IRF9: variants seen among roughly 807,000 people sequenced by gnomAD.
IRF9 encodes interferon regulatory factor 9.
In IRF9, 13 loss-of-function variants were observed where a neutral mutation model predicts 44.1. The ratio of observed to expected loss-of-function variants is 0.29; its 90% CI spans 0.19 to 0.47. The LOEUF is 0.47. Among genes scored for constraint, IRF9 ranks in the 20% least tolerant of loss-of-function variants. IRF9 has a pLI of 1.00. For synonymous variants in IRF9, 189 were observed against 188.5 expected, an observed-to-expected ratio of 1.00 and a Z score of -0.02; for missense variants, 373 against 496.1, an observed-to-expected ratio of 0.75 and a Z score of 2.36.
In IRF9 at chr14:24,162,947, C is replaced by T; in HGVS notation, c.181-19C>T. 1 of 1,609,324 alleles carries T rather than the reference C, an allele frequency of 6.2e-7. No homozygotes were observed. Among genetic ancestry groups the T allele is most frequent in the Non-Finnish European group, 8.5e-7 (1 of 1,177,364 alleles). ...AGCCTGTAACACACTGCCTCTTCTT[C>T]CCTTGCTTTCTTTCCTAGGCCTGGG... On this transcript the variant is annotated intron_variant, in intron 2 of 8. Transcript: ENST00000396864.
Position 24,163,098 on chromosome 14 carries a change from G to A in IRF9, c.313G>A (p.Val105Ile), listed in dbSNP as rs2038480289. 1 of 1,614,192 alleles carries A rather than the reference G, an allele frequency of 6.2e-7. No homozygotes were observed. Among genetic ancestry groups the A allele is most frequent in the South Asian group, 1.1e-5 (1 of 91,084 alleles). ...KEVPERGRMDVAEPYKVYQLL... is the reference protein window; with the variant it reads ...KEVPERGRMDIAEPYKVYQLL... The stretch of plus-strand genomic sequence containing the variant: ...GGTTCCTGAGAGGGGCCGCATGGAT[G>A]TTGCTGAGCCCTACAAGGTGTATCA... The change falls in exon 3 of 9, where the codon GTT becomes ATT. Residue 105 changes from valine (V) to isoleucine (I), a missense_variant. By Grantham distance (29) the Val-to-Ile change is conservative. Coordinates refer to ENST00000396864, the MANE Select transcript of IRF9 (RefSeq NM_006084.5).
intron 4 of IRF9, 180 bp from the exon 5 acceptor site, chr14:24,163,698 C>T (rs1022564776): frequency 5.1e-5 from 44 of 855,080 alleles, no homozygotes; most frequent in Non-Finnish European, 7.0e-5. Context: ...ATTAGCTGTG[C>T]GTTGTGGCAT....
Position 24,164,142 on chromosome 14 carries a change from G to A in IRF9, c.649+8G>A. On this transcript the variant is annotated splice_region_variant and intron_variant, in intron 6 of 8. Coordinates refer to ENST00000396864, the MANE Select transcript of IRF9 (RefSeq NM_006084.5). This position sits in a 1 kb window ranked among gnomAD's most constrained non-coding sequence, Gnocchi z 5.2. ...TGCTTCCTCCAGAGCCAGGTACGTG[G>A]CATTTCTGACTTTCTCCTGTGCCCT... The A allele has an allele frequency of 6.2e-7, 1 of 1,613,512 alleles. No individual in the cohort carries two copies. The highest frequency in any genetic ancestry group is 1.1e-5 in the South Asian group (1 of 91,058).
chr14:24,162,005 A>C, intron 1 of IRF9, 139 bp from the exon 2 acceptor site: 1 of 763,902 alleles, frequency 1.3e-6, no homozygotes. Context: ...TAGAGTGTTG[A>C]AATGTGTTTG....
intron 4 of IRF9, 176 bp from the exon 5 acceptor site, chr14:24,163,702 G>T: frequency 4.7e-6 from 4 of 850,496 alleles, no homozygotes; most frequent in Non-Finnish European, 5.4e-6. Context: ...GCTGTGCGTT[G>T]TGGCATCTGC....
rs755956458 is a variant in IRF9 at position 24,165,952 on chromosome 14, T to C, written c.1097T>C (p.Ile366Thr). The C allele has an allele frequency of 5.6e-6, 9 of 1,613,860 alleles. No individual in the cohort carries two copies. The highest frequency in any genetic ancestry group is 1.1e-5 in the South Asian group (1 of 91,058). The part of the protein sequence containing the change: ...HGSSHTPQNL[I>T]TVKMEQAFAR... ...TCCAGCCATACTCCACAGAATCTTA[T>C]CACAGTGAAGGTGAGCTCGGAGCAG... Residue 366 changes from isoleucine (I) to threonine (T), a missense_variant, in exon 8 of 9, where the codon ATC (isoleucine) becomes ACC (threonine). By Grantham distance (89) the Ile-to-Thr change is moderately conservative (BLOSUM62 -1). Around this residue, in one of 2 missense-constraint regions of IRF9, gnomAD observed 146 missense variants for 240.8 expected, o/e 0.61. Coordinates refer to ENST00000396864, the MANE Select transcript of IRF9 (RefSeq NM_006084.5).
rs768121593 is a variant in IRF9, at chr14:24,163,949, G to A, written c.567G>A (p.Glu189=). 1.9e-6 allele frequency: 3 copies of A among 1,607,718 alleles called. No individual in the cohort carries two copies. Among genetic ancestry groups the A allele is most frequent in the Non-Finnish European group, 2.5e-6 (3 of 1,177,854 alleles). Residue 189 remains glutamate (E), a synonymous_variant, in exon 5 of 9, where the codon GAG becomes GAA. Transcript: ENST00000396864. ...IGSSSSSSSP[E]PQEVTDTTEA... ...GCAGCAGCAGCAGCAGCAGCCCTGA[G>A]CCACAGGAAGGTACCACCTGCCCTG... is the stretch of plus-strand genomic sequence containing the variant.
chr14:24,164,866 A>G lies in IRF9; in HGVS notation c.902A>G (p.Asn301Ser), dbSNP rs200364726. 5.6e-6 allele frequency: 9 copies of G among 1,611,600 alleles called. No individual in the cohort carries two copies. The East Asian group carries it at 2.0e-4, about 36-fold the overall frequency. The change falls in exon 7 of 9, where the codon AAT (asparagine) becomes AGT (serine). Residue 301 changes from asparagine to serine, a missense_variant. Transcript: ENST00000396864. This position sits in a 1 kb window ranked among gnomAD's most constrained non-coding sequence, Gnocchi z 5.2. ...QRLCPIPISW[N>S]APQAPPGPGP... ...CTTTGCCCCATCCCCATCTCCTGGA[A>G]TGCACCCCAGGCTCCACCTGGGCCA...
In IRF9 at chr14:24,164,174, C is replaced by T; in HGVS notation, c.649+40C>T. Reference sequence around the variant, plus strand: ...TGACTTTCTCCTGTGCCCTGTGCCCCTGAGGTCTTCCACCTTTGACTATGC... The same window carrying T: ...TGACTTTCTCCTGTGCCCTGTGCCCTTGAGGTCTTCCACCTTTGACTATGC... On this transcript the variant is annotated intron_variant, in intron 6 of 8. Coordinates refer to ENST00000396864, the MANE Select transcript of IRF9 (RefSeq NM_006084.5). The surrounding 1 kb of genome is among the most constrained non-coding windows in gnomAD (Gnocchi z 5.2). The T allele has an allele frequency of 6.4e-7, 1 of 1,551,266 alleles. No individual in the cohort carries two copies. The highest frequency in any genetic ancestry group is 8.9e-7 in the Non-Finnish European group (1 of 1,122,934).
At chr14:24,161,618 C>G (rs1278116527) in intron 1 of IRF9, among the ~76,000 whole-genome samples, 3 of 152,192 alleles carry the variant, frequency 2.0e-5, no homozygotes, top group African/African-American at 7.2e-5. Context: ...TGCCATCTGG[C>G]CCTGCCCACT....
At position 24,164,365 on chromosome 14, in the gene IRF9, A is replaced by G. The variant is rs1444849517; in HGVS notation, c.649+231A>G. 1.7e-6 allele frequency: 1 copy of G among 603,852 alleles called. No individual in the cohort carries two copies. The allele number at this position is 603,852 out of a possible 1,614,324, so 37.4% of individuals were successfully genotyped here. A position where few individuals can be genotyped will look rare whatever the true frequency, so the allele number is the denominator to read the frequency against. ...CACTCTCCTGGAAATCTACATTGAGACATTGATTTCATTGGGCCAAACAGA... is the reference window on the plus strand; with the variant it reads ...CACTCTCCTGGAAATCTACATTGAGGCATTGATTTCATTGGGCCAAACAGA... On this transcript the variant is annotated intron_variant, in intron 6 of 8. Transcript: ENST00000396864. The surrounding 1 kb of genome is among the most constrained non-coding windows in gnomAD (Gnocchi z 5.2).
In IRF9 at chr14:24,162,299, A is replaced by G; in HGVS notation, c.155A>G (p.Glu52Gly). ...WKHAGKQDFR[E>G]DQDAAFFKAW... ...CATGCAGGCAAGCAGGACTTCCGGG[A>G]GGACCAGGATGCTGCCTTCTTCAAG... The change falls in exon 2 of 9, where the codon GAG becomes GGG. Residue 52 changes from glutamate (E) to glycine (G), a missense_variant. Physicochemically the swap from Glu to Gly is moderately conservative, Grantham distance 98. Around this residue, in one of 2 missense-constraint regions of IRF9, gnomAD observed 227 missense variants for 255.3 expected, o/e 0.89. Transcript: ENST00000396864. 6.2e-7 allele frequency: 1 copy of G among 1,614,058 alleles called. No homozygotes were observed. The highest frequency in any genetic ancestry group is 8.5e-7 in the Non-Finnish European group (1 of 1,179,982).
intron 7 of IRF9, 160 bp downstream of exon 7, chr14:24,165,115 G>A: frequency 2.6e-6 from 2 of 762,782 alleles, no homozygotes; most frequent in South Asian, 2.9e-5. Context: ...ATCCTGTGTG[G>A]CCATATGCCC....
At position 24,163,936 on chromosome 14, in the gene IRF9, G is replaced by C. The variant is rs777271237; in HGVS notation, c.554G>C (p.Ser185Thr). The C allele has an allele frequency of 8.1e-6, 13 of 1,605,850 alleles. No homozygotes were observed. The highest frequency in any genetic ancestry group is 8.5e-7 in the Non-Finnish European group (1 of 1,177,654). The change falls in exon 5 of 9, where the codon AGC (serine) becomes ACC (threonine). Residue 185 changes from serine (S) to threonine (T), a missense_variant. Ser to Thr is a moderately conservative substitution (Grantham distance 58). This residue lies in a region of IRF9 where 227 missense variants were observed against 255.3 expected (regional missense o/e 0.89). Transcript: ENST00000396864. ...VHSDIGSSSS[S>T]SSPEPQEVTD... ...TCAGACATTGGGAGCAGCAGCAGCA[G>C]CAGCAGCCCTGAGCCACAGGAAGGT...
At position 24,164,678 on chromosome 14, in the gene IRF9, C is replaced by T; in HGVS notation, c.714C>T (p.Ser238=). ...TGGTGGGCGAGGCCCAGGTGCAAAG[C>T]CTGGATTGCCGCCTTGTGGCTGAGC... The part of the protein sequence containing the change: ...GRVVGEAQVQ[S]LDCRLVAEPS... The change falls in exon 7 of 9, where the codon AGC becomes AGT. Residue 238 remains serine (S), a synonymous_variant. Coordinates refer to ENST00000396864, the MANE Select transcript of IRF9 (RefSeq NM_006084.5). This position sits in a 1 kb window ranked among gnomAD's most constrained non-coding sequence, Gnocchi z 5.2. The T allele has an allele frequency of 6.2e-7, 1 of 1,613,658 alleles. No homozygotes were observed. The highest frequency in any genetic ancestry group is 8.5e-7 in the Non-Finnish European group (1 of 1,179,754).
chr14:24,163,206 G>C, intron 3 of IRF9, 57 bp downstream of exon 3: 1 of 1,587,544 alleles, frequency 6.3e-7, no homozygotes, highest in Non-Finnish European at 8.6e-7. Flanking sequence ...AGGAAGGATA[G>C]ATGTGCAGGC....
chr14:24,162,539 C>T (rs571233304), intron 2 of IRF9: 37 of 528,476 alleles, frequency 7.0e-5, no homozygotes, highest in African/African-American at 9.8e-5. Context: ...CGGTGGCTCA[C>T]GCCTGTAATC....
At chr14:24,162,364 A>G (rs549654054) in intron 2 of IRF9, 40 bp downstream of exon 2, 1 of 1,580,436 alleles carries the variant, frequency 6.3e-7, no homozygotes, top group African/African-American at 1.3e-5. Context: ...TGTGTGTGGG[A>G]TGGTGTATAC....
In IRF9 at chr14:24,164,059, C is replaced by A. The variant is rs371661962; in HGVS notation, c.578-4C>A. ...AATGACCAGTGCCTTTGCTTCCCTT[C>A]CAGTTACAGACACAACTGAGGCCCC... On this transcript the variant is annotated splice_region_variant and splice_polypyrimidine_tract_variant and intron_variant, in intron 5 of 8. Coordinates refer to ENST00000396864, the MANE Select transcript of IRF9 (RefSeq NM_006084.5). The surrounding 1 kb of genome is among the most constrained non-coding windows in gnomAD (Gnocchi z 5.2). 5.1e-5 allele frequency: 83 copies of A among 1,614,082 alleles called. No homozygotes were observed. The highest frequency in any genetic ancestry group is 4.5e-4 in the East Asian group (20 of 44,882).
Sources: gnomAD v4.1 joint callset for allele counts (sites outside exome capture counted in the v4.1 genomes callset) on GRCh38, gnomAD v4.1.1 for gene constraint, gnomAD v4.1.1 regional missense constraint, Gnocchi (gnomAD v3.1) non-coding constraint, MANE v1.5 for transcripts, NCBI Gene and HGNC (gene_info 2026-07-23, HGNC 2026-07-21) for gene names.